Variants in PPM1L observed in about 807,000 individuals in gnomAD.
PPM1L encodes protein phosphatase, Mg2+/Mn2+ dependent 1L.
PPM1L carries 13 observed loss-of-function variants against 31.4 expected under a neutral mutation model. The observed-to-expected ratio is 0.41, with a 90% CI of 0.27 to 0.66. The LOEUF (loss-of-function observed/expected upper bound fraction) is 0.66. Among genes scored for constraint, PPM1L ranks in the 30% least tolerant of loss-of-function variants. The pLI is 0.29. For missense variants in PPM1L, 326 were observed against 453.7 expected (o/e 0.72, Z 2.56); for synonymous variants, 184 against 175.4 (o/e 1.05, Z -0.39).
In PPM1L at chr3:161,074,106, A is replaced by G. The variant is rs554096872; in HGVS notation, c.*4949A>G. 27 of 152,346 alleles carry G rather than the reference A, an allele frequency of 1.8e-4. No individual in the cohort carries two copies. Among genetic ancestry groups the G allele is most frequent in the Non-Finnish European group, 3.8e-4 (26 of 68,030 alleles). The allele number at this position is 152,346 out of a possible 1,614,324, so 9.4% of individuals were successfully genotyped here. ...ATTTTAACGATTTTTAAAACTAATG[A>G]TCTGTTATATAATAACTGAAATGTA... On this transcript the variant is annotated 3_prime_UTR_variant, in exon 4 of 4. Transcript: ENST00000498165.
At chr3:160,985,504 T>G (rs1160213157) in intron 2 of PPM1L, among the ~76,000 whole-genome samples, 1 of 152,260 alleles carries the variant, frequency 6.6e-6, no homozygotes, top group Non-Finnish European at 1.5e-5. Context: ...AAGCCAGTAC[T>G]TAAAACATGA....
In PPM1L at chr3:160,978,767, T is replaced by C. The variant is rs558884915; in HGVS notation, c.574+16857T>C. Among the ~76,000 whole-genome samples, 747 of 151,478 alleles carry C rather than the reference T, an allele frequency of 4.9e-3. 5 individuals are homozygous for C. The highest frequency in any genetic ancestry group is 7.0e-3 in the Non-Finnish European group (475 of 67,668). ...ATTGCTTGAGCCCAGGAAGTTGAGG[T>C]TGCAGTGAGCCGTGTTCATGCTACT... On this transcript the variant is annotated intron_variant, in intron 2 of 3. Coordinates refer to ENST00000498165, the MANE Select transcript of PPM1L (RefSeq NM_139245.4).
At chr3:160,812,824 G>A (rs1712851547) in intron 1 of PPM1L, among the ~76,000 whole-genome samples, 1 of 152,172 alleles carries the variant, frequency 6.6e-6, no homozygotes, top group Admixed American at 6.5e-5. Context: ...CTAAATTAGG[G>A]TTCTACACCG....
intron 2 of PPM1L, among the ~76,000 whole-genome samples, chr3:160,990,047 T>C (rs983687769): frequency 5.9e-5 from 9 of 152,142 alleles, no homozygotes; most frequent in Non-Finnish European, 1.2e-4. Flanking sequence ...CAGGCTGGAA[T>C]GCAGTGGCAT....
At chr3:160,899,490 A>G (rs1222442579) in intron 1 of PPM1L, among the ~76,000 whole-genome samples, 1 of 152,248 alleles carries the variant, frequency 6.6e-6, no homozygotes, top group African/African-American at 2.4e-5. Context: ...TTTAAAATAC[A>G]AAGAATGAAA....
At chr3:160,823,589 A>G (rs1289055885) in intron 1 of PPM1L, among the ~76,000 whole-genome samples, 3 of 152,088 alleles carry the variant, frequency 2.0e-5, no homozygotes, top group Admixed American at 1.3e-4. Context: ...CATTTTCCAT[A>G]TTTATCATTA....
chr3:160,934,552 C>T (rs1331123862), intron 1 of PPM1L, among the ~76,000 whole-genome samples: 2 of 152,116 alleles, frequency 1.3e-5, no homozygotes, highest in African/African-American at 4.8e-5. Context: ...ACAACTATTG[C>T]TAGAGGTTCT....
At chr3:160,772,599 G>A (rs1715287093) in intron 1 of PPM1L, among the ~76,000 whole-genome samples, 1 of 152,104 alleles carries the variant, frequency 6.6e-6, no homozygotes, top group African/African-American at 2.4e-5. Context: ...CTTAATATAT[G>A]CAATTTGATC....
At chr3:160,975,648 G>C (rs573245772) in intron 2 of PPM1L, among the ~76,000 whole-genome samples, 1 of 152,246 alleles carries the variant, frequency 6.6e-6, no homozygotes, top group Non-Finnish European at 1.5e-5. Context: ...GTGAATGAGA[G>C]TTCACTCATG....
intron 2 of PPM1L, among the ~76,000 whole-genome samples, chr3:161,037,412 CTT>C (rs59883046): frequency 2.0e-5 from 2 of 99,486 alleles, no homozygotes; most frequent in Non-Finnish European, 1.9e-5. Context: ...CCTACTTGAG[CTT>C]TTTTTTTTTT....
chr3:160,835,039 A>ACTACTACTTCTTCTT (rs760363593), intron 1 of PPM1L, among the ~76,000 whole-genome samples: 7 of 131,754 alleles, frequency 5.3e-5, no homozygotes, highest in South Asian at 2.5e-4. Flanking sequence ...TACTACTACT[A>ACTACTACTTCTTCTT]CTTCTTCTTC....
intron 1 of PPM1L, among the ~76,000 whole-genome samples, chr3:160,850,929 C>T (rs574066989): frequency 8.4e-4 from 125 of 148,834 alleles, no homozygotes; most frequent in African/African-American, 2.9e-3. Flanking sequence ...GTTTTTTGGT[C>T]ATTACTGTTT....
intron 1 of PPM1L, among the ~76,000 whole-genome samples, chr3:160,812,249 T>G (rs569585641): frequency 1.3e-5 from 2 of 152,328 alleles, no homozygotes; most frequent in African/African-American, 4.8e-5. Context: ...CCTCTTTTCT[T>G]TCTTAAATAT....
At position 160,786,138 on chromosome 3, in the gene PPM1L, T is replaced by A. The variant is rs866254982; in HGVS notation, c.399+29431T>A. ...ATGGAATCTCATTTTTCTCTCTCTC[T>A]CTCTCTCTCTCTCTCTCTCTGTGTG... is the stretch of plus-strand genomic sequence containing the variant. On this transcript the variant is annotated intron_variant, in intron 1 of 3. Coordinates refer to ENST00000498165, the MANE Select transcript of PPM1L (RefSeq NM_139245.4). Among the ~76,000 whole-genome samples, 185 of 93,036 alleles carry A rather than the reference T, an allele frequency of 2.0e-3. 2 individuals are homozygous for A. The highest frequency in any genetic ancestry group is 0.016 in the East Asian group (41 of 2,584). The allele number at this position is 93,036 out of a possible 152,430, so 61.0% of individuals were successfully genotyped here.
intron 1 of PPM1L, among the ~76,000 whole-genome samples, chr3:160,835,611 C>T (rs551855387): frequency 3.9e-5 from 6 of 152,104 alleles, no homozygotes; most frequent in African/African-American, 1.4e-4. Flanking sequence ...TCTTACCAAC[C>T]GATCTCTTAT....
chr3:160,773,558 T>A (rs951437510), intron 1 of PPM1L, among the ~76,000 whole-genome samples: 4 of 152,180 alleles, frequency 2.6e-5, no homozygotes, highest in African/African-American at 9.7e-5. Context: ...GCCAGTACCG[T>A]CAGTGTGTAT....
chr3:160,765,236 T>C (rs944231076), intron 1 of PPM1L, among the ~76,000 whole-genome samples: 8 of 152,192 alleles, frequency 5.3e-5, no homozygotes, highest in Admixed American at 2.0e-4. Flanking sequence ...GTGGTGAAAC[T>C]AGGGTATGAA....
intron 1 of PPM1L, among the ~76,000 whole-genome samples, chr3:160,879,014 T>C (rs1712614062): frequency 6.6e-6 from 1 of 152,216 alleles, no homozygotes; most frequent in Non-Finnish European, 1.5e-5. Flanking sequence ...TAGTTCTACT[T>C]TGCTTGAGGA....
chr3:160,979,766 C>T (rs1716734603), intron 2 of PPM1L, among the ~76,000 whole-genome samples: 1 of 152,020 alleles, frequency 6.6e-6, no homozygotes, highest in Non-Finnish European at 1.5e-5. Flanking sequence ...TAAAACTAAA[C>T]AAAACCTTCC....
Sources: allele counts gnomAD v4.1 joint callset (sites outside exome capture counted in the v4.1 genomes callset), GRCh38; gene constraint gnomAD v4.1.1; transcripts MANE v1.5; gene names NCBI Gene and HGNC (gene_info 2026-07-23, HGNC 2026-07-21).